The following COBLL1 variants were observed in gnomAD, a reference collection of about 807,000 sequenced individuals.
COBLL1 encodes the protein cordon-bleu protein-like 1.
A neutral mutation model predicts 94.8 loss-of-function variants in COBLL1; 50 were observed. The ratio of observed to expected loss-of-function variants is 0.53; its 90% CI spans 0.42 to 0.67. COBLL1 has a LOEUF of 0.67. Ranked by LOEUF, COBLL1 falls within the 30% of genes least tolerant of loss-of-function variation. The pLI is 0.00. For synonymous variants in COBLL1, 448 were observed against 473.8 expected, an observed-to-expected ratio of 0.95 and a Z score of 0.71; for missense variants, 1,362 against 1,348.7, an observed-to-expected ratio of 1.01 and a Z score of -0.15.
upstream of COBLL1, chr2:164,842,066 C>T (rs1031062824): frequency 6.6e-6 from 10 of 1,511,452 alleles, no homozygotes; most frequent in Non-Finnish European, 4.4e-6. Flanking sequence ...AAGCAGCGAG[C>T]CGGAGAGAGG....
chr2:164,689,299 C>G (rs1683470456), intron 13 of COBLL1, among the ~76,000 whole-genome samples: 1 of 152,104 alleles, frequency 6.6e-6, no homozygotes, highest in South Asian at 2.1e-4. Context: ...AAGTGGGTAC[C>G]TGGAGTTAAA....
intron 2 of COBLL1, among the ~76,000 whole-genome samples, chr2:164,755,539 G>A (rs1276428034): frequency 1.3e-5 from 2 of 152,064 alleles, no homozygotes; most frequent in African/African-American, 4.8e-5. Flanking sequence ...ATTATGTAAA[G>A]TGGGCCACAG....
At chr2:164,766,491 C>G (rs1265471369) in intron 2 of COBLL1, among the ~76,000 whole-genome samples, 2 of 152,110 alleles carry the variant, frequency 1.3e-5, no homozygotes, top group African/African-American at 4.8e-5. Flanking sequence ...TCCTCCTGCT[C>G]CAGCAATGTG....
At chr2:164,727,909 G>T in intron 5 of COBLL1, 60 bp downstream of exon 5, 1 of 1,174,960 alleles carries the variant, frequency 8.5e-7, no homozygotes, top group Non-Finnish European at 1.2e-6. Context: ...CAAACACAAT[G>T]CACAAACATA....
intron 3 of COBLL1, among the ~76,000 whole-genome samples, chr2:164,735,767 G>T (rs529654879): frequency 6.6e-6 from 1 of 151,840 alleles, no homozygotes; most frequent in Non-Finnish European, 1.5e-5. Flanking sequence ...CCTAGTTGAT[G>T]CACCTGAAGG....
chr2:164,827,417 TC>T, intron 2 of COBLL1, among the ~76,000 whole-genome samples: 1 of 152,292 alleles, frequency 6.6e-6, no homozygotes, highest in East Asian at 1.9e-4. Flanking sequence ...AGAGTAACAC[TC>T]AAAAAACACC....
Position 164,704,514 on chromosome 2 carries a change from T to G in COBLL1, c.1155A>C (p.Leu385Phe), listed in dbSNP as rs1304967618. The G allele has an allele frequency of 1.9e-6, 3 of 1,612,114 alleles. No individual in the cohort carries two copies. The highest frequency in any genetic ancestry group is 1.3e-5 in the African/African-American group (1 of 74,880). ...QSDENSRVTA[L>F]QPVDGVPPDS... ...CTGGAGGAACTCCATCTACTGGCTG[T>G]AAGGCTAAAGGAAAGAAGCAACACA... The change falls in exon 9 of 14, where the codon TTA becomes TTC. Residue 385 changes from leucine to phenylalanine, a missense_variant. Transcript: ENST00000652658.
At chr2:164,772,488 TCTC>T (rs1559000227) in intron 2 of COBLL1, among the ~76,000 whole-genome samples, 1 of 152,050 alleles carries the variant, frequency 6.6e-6, no homozygotes, top group African/African-American at 2.4e-5. Context: ...ATTAAGAATC[TCTC>T]CTAAGTACAT....
intron 2 of COBLL1, among the ~76,000 whole-genome samples, chr2:164,821,454 G>A (rs1379961542): frequency 6.6e-6 from 1 of 152,186 alleles, no homozygotes; most frequent in Non-Finnish European, 1.5e-5. Flanking sequence ...GTTTACAGAT[G>A]TGGAGATGTG....
intron 7 of COBLL1, among the ~76,000 whole-genome samples, chr2:164,709,237 A>G (rs1684760629): frequency 6.6e-6 from 1 of 152,190 alleles, no homozygotes; most frequent in Admixed American, 6.5e-5. Flanking sequence ...AATTTTTTTC[A>G]ACAGCATTTA....
intron 2 of COBLL1, among the ~76,000 whole-genome samples, chr2:164,763,830 G>C (rs1042082404): frequency 2.0e-5 from 3 of 152,204 alleles, no homozygotes; most frequent in Non-Finnish European, 4.4e-5. Context: ...AGGGATGAAA[G>C]TTAGATCTCT....
At chr2:164,788,205 C>A (rs1224552962) in intron 2 of COBLL1, among the ~76,000 whole-genome samples, 2 of 152,194 alleles carry the variant, frequency 1.3e-5, no homozygotes, top group Non-Finnish European at 2.9e-5. Context: ...CCGGCCATGG[C>A]AACTGCTTTG....
At chr2:164,798,148 A>T (rs1351953123) in intron 2 of COBLL1, among the ~76,000 whole-genome samples, 2 of 152,234 alleles carry the variant, frequency 1.3e-5, no homozygotes, top group African/African-American at 2.4e-5. Context: ...CTGGCTAGAT[A>T]AATCAGCTTT....
chr2:164,745,243 T>G (rs1009524493), intron 2 of COBLL1, among the ~76,000 whole-genome samples: 1 of 152,210 alleles, frequency 6.6e-6, no homozygotes, highest in African/African-American at 2.4e-5. Flanking sequence ...GCAAGGTTCC[T>G]ACAATGTACA....
chr2:164,663,146 G>A (rs546680631), intron 2 of COBLL1, among the ~76,000 whole-genome samples: 33 of 152,096 alleles, frequency 2.2e-4, no homozygotes, highest in African/African-American at 6.8e-4. Flanking sequence ...TATTGCCTTC[G>A]TTTAATATTC....
At chr2:164,708,515 G>A (rs543763402) in intron 7 of COBLL1, among the ~76,000 whole-genome samples, 30 of 152,280 alleles carry the variant, frequency 2.0e-4, no homozygotes, top group Non-Finnish European at 3.5e-4. Context: ...TACTGATAAT[G>A]CCCTTCTGTT....
At chr2:164,838,047 G>C (rs1683406344) in intron 2 of COBLL1, among the ~76,000 whole-genome samples, 1 of 152,102 alleles carries the variant, frequency 6.6e-6, no homozygotes, top group South Asian at 2.1e-4. Flanking sequence ...ATCTAGAATG[G>C]TAAGGGATTA....
chr2:164,730,515 AAACAAC>A (rs1029427934), intron 3 of COBLL1, among the ~76,000 whole-genome samples: 1 of 151,664 alleles, frequency 6.6e-6, no homozygotes, highest in Non-Finnish European at 1.5e-5. Flanking sequence ...ATAACAATAA[AAACAAC>A]AACAACAACA....
Position 164,700,754 on chromosome 2 carries a change from C to G in COBLL1, c.1228G>C (p.Gly410Arg), listed in dbSNP as rs753557354. The G allele has an allele frequency of 6.4e-7, 1 of 1,570,752 alleles. No individual in the cohort carries two copies. The highest frequency in any genetic ancestry group is 1.4e-5 in the African/African-American group (1 of 73,756). The part of the protein sequence containing the change: ...NSPEELSSPA[G>R]ISSDYSLEEI... ...TCAAGGCTATAATCAGAGCTTATTC[C>G]AGCTACAAAGAAATGCAGATATAAT... Residue 410 changes from glycine to arginine, a missense_variant and splice_region_variant, in exon 10 of 14, where the codon GGA becomes CGA. Physicochemically the swap from Gly to Arg is moderately radical, Grantham distance 125. Coordinates refer to ENST00000652658, the MANE Select transcript of COBLL1 (RefSeq NM_001365672.2).
Sources: allele counts gnomAD v4.1 joint callset (sites outside exome capture counted in the v4.1 genomes callset), GRCh38; gene constraint gnomAD v4.1.1; transcripts MANE v1.5; gene names NCBI Gene and HGNC (gene_info 2026-07-23, HGNC 2026-07-21).